The following TREH variants were observed in gnomAD, a reference collection of about 807,000 sequenced individuals.
TREH encodes trehalase, also known as alpha,alpha-trehalose glucohydrolase.
In TREH, 69 loss-of-function variants were observed where a neutral mutation model predicts 80.5. The ratio of observed to expected loss-of-function variants is 0.86; its 90% CI spans 0.71 to 1.05. The LOEUF is 1.05. Ranked by LOEUF, TREH falls within the 50% of genes least tolerant of loss-of-function variation. TREH has a pLI of 0.00. For synonymous variants in TREH, 309 were observed against 293.5 expected (o/e 1.05, Z -0.54); for missense variants, 716 against 718.8 (o/e 1.00, Z 0.04).
Position 118,661,090 on chromosome 11 carries a change from CG to C in TREH, c.857+69del. 1 of 1,605,096 alleles carries C rather than the reference CG, an allele frequency of 6.2e-7. No homozygotes were observed. Among genetic ancestry groups the C allele is most frequent in the Non-Finnish European group, 8.5e-7 (1 of 1,174,500 alleles). On this transcript the variant is annotated intron_variant, in intron 8 of 14. Coordinates refer to ENST00000264029, the MANE Select transcript of TREH (RefSeq NM_007180.3). The surrounding 1 kb of genome is among the most constrained non-coding windows in gnomAD (Gnocchi z 4.2). ...AGGCTAAGTCACTCCTCCTCCTGCC[CG>C]GGGCATTGTGATGCTCTAACCAGAG...
rs373404141 is a variant in TREH at position 118,661,773 on chromosome 11, G to T, written c.525-44C>A. 1.4e-5 allele frequency: 23 copies of T among 1,609,480 alleles called. No individual in the cohort carries two copies. Among genetic ancestry groups the T allele is most frequent in the Non-Finnish European group, 2.0e-5 (23 of 1,176,398 alleles). On this transcript the variant is annotated intron_variant, in intron 5 of 14. Transcript: ENST00000264029. The surrounding 1 kb of genome is among the most constrained non-coding windows in gnomAD (Gnocchi z 4.2). ...AGGCACCACCCTGCTGCCTCCCTCT[G>T]CCCTGCACACCAGCCAGTGGGGCAC...
At position 118,661,836 on chromosome 11, in the gene TREH, C is replaced by G. The variant is rs546095770; in HGVS notation, c.524+54G>C. 1 of 1,582,080 alleles carries G rather than the reference C, an allele frequency of 6.3e-7. No homozygotes were observed. Among genetic ancestry groups the G allele is most frequent in the Non-Finnish European group, 8.6e-7 (1 of 1,162,286 alleles). On this transcript the variant is annotated intron_variant, in intron 5 of 14. Transcript: ENST00000264029. The surrounding 1 kb of genome is among the most constrained non-coding windows in gnomAD (Gnocchi z 4.2). ...AAGACACCCTGCTGGCCCTGGGTTTCTCCACCACTGCCAGTCCTGCAGGCC... is the reference window on the plus strand; with the variant it reads ...AAGACACCCTGCTGGCCCTGGGTTTGTCCACCACTGCCAGTCCTGCAGGCC...
intron 12 of TREH, 79 bp from the exon 13 acceptor site, chr11:118,659,096 A>C (rs1591826979): frequency 7.1e-7 from 1 of 1,412,196 alleles, no homozygotes; most frequent in Non-Finnish European, 9.9e-7. Flanking sequence ...TACTCTCCCC[A>C]AGGAGGGAAA....
At position 118,661,939 on chromosome 11, in the gene TREH, C is replaced by T; in HGVS notation, c.475G>A (p.Glu159Lys). The T allele has an allele frequency of 6.4e-7, 1 of 1,555,936 alleles. No homozygotes were observed. Among genetic ancestry groups the T allele is most frequent in the Non-Finnish European group, 8.7e-7 (1 of 1,149,532 alleles). ...HPERFSLIYS[E>K]HPFIVPGGRF... is the part of the protein sequence containing the mutation. ...CCGCCAGGCACAATGAAGGGATGTTCTGAGTAGATGAGAGAGAACCGCTCA... is the reference window on the plus strand; with the variant it reads ...CCGCCAGGCACAATGAAGGGATGTTTTGAGTAGATGAGAGAGAACCGCTCA... The change falls in exon 5 of 15, where the codon GAA becomes AAA. Residue 159 changes from glutamate to lysine, a missense_variant. By Grantham distance (56) the Glu-to-Lys change is moderately conservative. Transcript: ENST00000264029. This position sits in a 1 kb window ranked among gnomAD's most constrained non-coding sequence, Gnocchi z 4.2.
Position 118,674,630 on chromosome 11 carries a change from C to A in TREH, c.89+4909G>T, listed in dbSNP as rs1354400387. Among the ~76,000 whole-genome samples the A allele has an allele frequency of 1.3e-5, 2 of 152,202 alleles. No individual in the cohort carries two copies. The highest frequency in any genetic ancestry group is 1.3e-4 in the Admixed American group (2 of 15,274). On this transcript the variant is annotated intron_variant, in intron 1 of 14. Transcript: ENST00000264029. This position sits in a 1 kb window ranked among gnomAD's most constrained non-coding sequence, Gnocchi z 4.4. Reference sequence around the variant, plus strand: ...AGATCTCAGCTCACTGCAACCTCCACCTCCTGGGTTCAAGTGATTCTCCTG... The same window carrying A: ...AGATCTCAGCTCACTGCAACCTCCAACTCCTGGGTTCAAGTGATTCTCCTG...
At position 118,661,692 on chromosome 11, in the gene TREH, CTG is replaced by C. The variant is rs1949324175; in HGVS notation, c.560_561del (p.Ser187Ter). The C allele has an allele frequency of 1.2e-6, 2 of 1,613,894 alleles. No homozygotes were observed. Among genetic ancestry groups the C allele is most frequent in the African/African-American group, 1.3e-5 (1 of 74,936 alleles). On this transcript the variant is annotated frameshift_variant, in exon 6 of 15. Coordinates refer to ENST00000264029, the MANE Select transcript of TREH (RefSeq NM_007180.3). LOFTEE classifies it high-confidence loss of function. The surrounding 1 kb of genome is among the most constrained non-coding windows in gnomAD (Gnocchi z 4.2). ...ATGCCCTTCACCGTCTCAGCCATCT[CTG>C]AGAGGAGCAGACCCTCCATGACCCA... ...SYWVMEGLLL[S>X]EMAETVKGML...
chr11:118,661,694 G>A lies in TREH; in HGVS notation c.560C>T (p.Ser187Leu), dbSNP rs1446204296. The stretch of plus-strand genomic sequence containing the variant: ...GCCCTTCACCGTCTCAGCCATCTCT[G>A]AGAGGAGCAGACCCTCCATGACCCA... ...SYWVMEGLLL[S>L]EMAETVKGML... is the part of the protein sequence containing the mutation. The change falls in exon 6 of 15, where the codon TCA (serine) becomes TTA (leucine). Residue 187 changes from serine (S) to leucine (L), a missense_variant. Ser to Leu is a moderately radical substitution (Grantham distance 145). Transcript: ENST00000264029. This position sits in a 1 kb window ranked among gnomAD's most constrained non-coding sequence, Gnocchi z 4.2. 3 of 1,613,972 alleles carry A rather than the reference G, an allele frequency of 1.9e-6. No individual in the cohort carries two copies. Among genetic ancestry groups the A allele is most frequent in the Non-Finnish European group, 2.5e-6 (3 of 1,179,896 alleles).
In TREH at chr11:118,674,791, C is replaced by T. The variant is rs1279663218; in HGVS notation, c.89+4748G>A. On this transcript the variant is annotated intron_variant, in intron 1 of 14. Coordinates refer to ENST00000264029, the MANE Select transcript of TREH (RefSeq NM_007180.3). This position sits in a 1 kb window ranked among gnomAD's most constrained non-coding sequence, Gnocchi z 4.4. The stretch of plus-strand genomic sequence containing the variant: ...TCCTGATCTCAGATGATCCACCCAC[C>T]TCTGCCTCCCAAAGTGCTGGGATTA... Among the ~76,000 whole-genome samples, 1 of 152,178 alleles carries T rather than the reference C, an allele frequency of 6.6e-6. No individual in the cohort carries two copies. The highest frequency in any genetic ancestry group is 2.4e-5 in the African/African-American group (1 of 41,440).
At position 118,679,586 on chromosome 11, in the gene TREH, C is replaced by T; in HGVS notation, c.42G>A (p.Leu14=). 1 of 1,555,282 alleles carries T rather than the reference C, an allele frequency of 6.4e-7. No individual in the cohort carries two copies. Among genetic ancestry groups the T allele is most frequent in the Middle Eastern group, 1.7e-4 (1 of 5,918 alleles). ...CCTCCTGGGACCCCAGTCCCAGCCCCAGCAGCAGTAGCAGGCACAGCTCCC... is the reference window on the plus strand; with the variant it reads ...CCTCCTGGGACCCCAGTCCCAGCCCTAGCAGCAGTAGCAGGCACAGCTCCC... ...RTWELCLLLL[L]GLGLGSQEAL... Residue 14 remains leucine (L), a synonymous_variant, in exon 1 of 15, where the codon CTG becomes CTA. Transcript: ENST00000264029.
chr11:118,670,460 CAA>C (rs559874247), intron 1 of TREH, among the ~76,000 whole-genome samples: 29 of 152,284 alleles, frequency 1.9e-4, no homozygotes, highest in South Asian at 1.4e-3. Flanking sequence ...TTATAACAGA[CAA>C]AGAGATAATA....
Position 118,661,267 on chromosome 11 carries a change from T to A in TREH, c.750A>T (p.Thr250=), listed in dbSNP as rs782262353. 1.9e-6 allele frequency: 3 copies of A among 1,613,904 alleles called. No individual in the cohort carries two copies. In the South Asian group the frequency reaches 3.3e-5, roughly 18 times the overall value. ...TCCAAAAGTCCAATTCCAAGGCTAG[T>A]GTTTCAATGTTTTCCCTGGAGTGAA... ...DTAFLQENIE[T]LALELDFWTK... The change falls in exon 8 of 15, where the codon ACA becomes ACT. Residue 250 remains threonine (T), a synonymous_variant. Coordinates refer to ENST00000264029, the MANE Select transcript of TREH (RefSeq NM_007180.3). The surrounding 1 kb of genome is among the most constrained non-coding windows in gnomAD (Gnocchi z 4.2).
Position 118,659,785 on chromosome 11 carries a change from C to T in TREH, c.1282G>A (p.Asp428Asn), listed in dbSNP as rs1555144464. The change falls in exon 11 of 15, where the codon GAC becomes AAC. Residue 428 changes from aspartate to asparagine, a missense_variant. Coordinates refer to ENST00000264029, the MANE Select transcript of TREH (RefSeq NM_007180.3). ...AGAGCCTTGTCCGCCACGCCAGGGT[C>T]AGAGAAACACCCGGCCCAGAGTGGA... ...LTPLWAGCFS[D>N]PGVADKALKY... 1 of 1,585,030 alleles carries T rather than the reference C, an allele frequency of 6.3e-7. No homozygotes were observed. Among genetic ancestry groups the T allele is most frequent in the Admixed American group, 1.8e-5 (1 of 55,456 alleles).
chr11:118,659,255 CGA>C (rs1466944189), intron 12 of TREH, 113 bp downstream of exon 12: 2 of 936,010 alleles, frequency 2.1e-6, no homozygotes, highest in Non-Finnish European at 3.1e-6. Context: ...AGCAGAGGAG[CGA>C]GAGAAAGGAT....
chr11:118,663,422 CCGTGGCAGTAAATCTCACTGCAGAGA>C lies in TREH; in HGVS notation c.90-9_106del, dbSNP rs527655595. 1,151 of 1,586,486 alleles carry C rather than the reference CCGTGGCAGTAAATCTCACTGCAGAGA, an allele frequency of 7.3e-4. 18 individuals are homozygous for C. In the South Asian group the frequency reaches 0.012, roughly 17 times the overall value. ...CATTTGAACTTGGTTTAGGAGCTCC[CCGTGGCAGTAAATCTCACTGCAGAGA>C]CAGGGATAGGAGCAGGTCAGGTCAC... On this transcript the variant is annotated splice_acceptor_variant and splice_polypyrimidine_tract_variant and coding_sequence_variant and intron_variant, in exon 2 of 15. Transcript: ENST00000264029. LOFTEE classifies it high-confidence loss of function.
At chr11:118,666,976 G>A (rs1407592137) in intron 1 of TREH, among the ~76,000 whole-genome samples, 2 of 152,030 alleles carry the variant, frequency 1.3e-5, no homozygotes, top group Non-Finnish European at 2.9e-5. Flanking sequence ...TCTGTCTCCT[G>A]GGTTCAAGCA....
chr11:118,665,857 C>T (rs782681043), intron 1 of TREH, among the ~76,000 whole-genome samples: 1 of 152,190 alleles, frequency 6.6e-6, no homozygotes, highest in Non-Finnish European at 1.5e-5. Flanking sequence ...GGGCGAGGCA[C>T]CTGCAACACT....
In TREH at chr11:118,662,001, G is replaced by A. The variant is rs1949329257; in HGVS notation, c.424-11C>T. 1.3e-6 allele frequency: 2 copies of A among 1,548,942 alleles called. No individual in the cohort carries two copies. Among genetic ancestry groups the A allele is most frequent in the Non-Finnish European group, 1.7e-6 (2 of 1,144,488 alleles). On this transcript the variant is annotated splice_polypyrimidine_tract_variant and intron_variant, in intron 4 of 14. Transcript: ENST00000264029. The stretch of plus-strand genomic sequence containing the variant: ...AACCTCTGGCTTCATCTGGAGTCGG[G>A]AGAGAGGGCAAGGGGAGCCTAGAAT...
Position 118,663,330 on chromosome 11 carries a change from G to A in TREH, c.190+9C>T. The A allele has an allele frequency of 6.3e-7, 1 of 1,579,834 alleles. No homozygotes were observed. Among genetic ancestry groups the A allele is most frequent in the Non-Finnish European group, 8.6e-7 (1 of 1,162,352 alleles). ...CTCTGGAGAGGACGTTCAGCCCTAG[G>A]TGCTTCACCTGGAGCTATAGACAGT... On this transcript the variant is annotated intron_variant, in intron 2 of 14. Coordinates refer to ENST00000264029, the MANE Select transcript of TREH (RefSeq NM_007180.3).
intron 1 of TREH, among the ~76,000 whole-genome samples, chr11:118,672,129 G>T (rs959680235): frequency 9.9e-5 from 15 of 152,216 alleles, no homozygotes; most frequent in Admixed American, 2.6e-4. Flanking sequence ...GCCGGGCATG[G>T]TGGCTCACGC....
Sources: allele counts gnomAD v4.1 joint callset (sites outside exome capture counted in the v4.1 genomes callset), GRCh38; gene constraint gnomAD v4.1.1; non-coding constraint Gnocchi (gnomAD v3.1); transcripts MANE v1.5; gene names NCBI Gene and HGNC (gene_info 2026-07-23, HGNC 2026-07-21).